The following TTC28 variants were observed in gnomAD, a reference collection of about 807,000 sequenced individuals.
TTC28 encodes tetratricopeptide repeat domain 28.
Under a neutral mutation model 198.0 loss-of-function variants are expected in TTC28, and 61 were observed. The ratio of observed to expected loss-of-function variants is 0.31; its 90% confidence interval spans 0.25 to 0.38. The LOEUF (loss-of-function observed/expected upper bound fraction) is 0.38. TTC28 is among the 10% of genes least tolerant of loss of function. The pLI is 1.00. For synonymous variants in TTC28, 1,171 were observed against 1,297.8 expected (o/e 0.90, Z 2.10); for missense variants, 2,678 against 3,164.0 (o/e 0.85, Z 3.69).
chr22:28,433,701 C>T (rs2146207677), intron 2 of TTC28, among the ~76,000 whole-genome samples: 1 of 152,260 alleles, frequency 6.6e-6, no homozygotes, highest in South Asian at 2.1e-4. Context: ...AAAGCAATTG[C>T]ATATGCTCTC....
chr22:28,277,511 A>G (rs1173161794), intron 5 of TTC28, among the ~76,000 whole-genome samples: 7 of 152,274 alleles, frequency 4.6e-5, no homozygotes, highest in Admixed American at 1.3e-4. Flanking sequence ...AATTAAACAA[A>G]CCTCAGTGAT....
chr22:27,990,903 C>G (rs1319904676), intron 19 of TTC28, 91 bp from the exon 20 acceptor site: 2 of 1,361,150 alleles, frequency 1.5e-6, no homozygotes, highest in East Asian at 5.0e-5. Context: ...ATGAGCTGAT[C>G]ACTGTTTAGG....
chr22:28,445,982 T>C (rs974121790), intron 2 of TTC28, among the ~76,000 whole-genome samples: 1 of 152,132 alleles, frequency 6.6e-6, no homozygotes, highest in Non-Finnish European at 1.5e-5. Flanking sequence ...CAGTGAACAG[T>C]GTCTGACACA....
intron 12 of TTC28, among the ~76,000 whole-genome samples, chr22:28,074,570 A>G (rs1429222680): frequency 1.3e-5 from 2 of 152,204 alleles, no homozygotes; most frequent in East Asian, 3.8e-4. Flanking sequence ...CATCTAACAG[A>G]TTGGCCCCTG....
At chr22:28,376,644 G>T (rs1203665873) in intron 2 of TTC28, among the ~76,000 whole-genome samples, 1 of 152,196 alleles carries the variant, frequency 6.6e-6, no homozygotes, top group Non-Finnish European at 1.5e-5. Context: ...GCACTGCCTA[G>T]AGAGTTTTCA....
chr22:28,498,914 G>A (rs889000359), intron 2 of TTC28, among the ~76,000 whole-genome samples: 4 of 152,138 alleles, frequency 2.6e-5, no homozygotes, highest in Admixed American at 6.5e-5. Flanking sequence ...AGTGGCTCAC[G>A]CCTGTAATCC....
At chr22:28,446,587 G>A (rs1370726202) in intron 2 of TTC28, among the ~76,000 whole-genome samples, 5 of 152,072 alleles carry the variant, frequency 3.3e-5, no homozygotes, top group Non-Finnish European at 7.4e-5. Context: ...TCTTGTTCCC[G>A]CTCTTGCCAT....
chr22:28,520,918 T>C (rs990196032), intron 2 of TTC28, among the ~76,000 whole-genome samples: 2 of 152,106 alleles, frequency 1.3e-5, no homozygotes, highest in Non-Finnish European at 2.9e-5. Context: ...CCAGGCGTAG[T>C]GGCACGTGCC....
At chr22:28,312,810 G>A (rs2045287217) in intron 2 of TTC28, among the ~76,000 whole-genome samples, 1 of 152,130 alleles carries the variant, frequency 6.6e-6, no homozygotes, top group African/African-American at 2.4e-5. Flanking sequence ...AACTAGAGAA[G>A]CAAGAGCAAA....
intron 2 of TTC28, among the ~76,000 whole-genome samples, chr22:28,389,808 A>G (rs562467436): frequency 2.7e-5 from 4 of 149,854 alleles, no homozygotes; most frequent in South Asian, 2.1e-4. Context: ...TGGATTCATT[A>G]ATTTTTTGAA....
At chr22:28,183,822 A>G (rs1601440524) in intron 5 of TTC28, among the ~76,000 whole-genome samples, 1 of 152,184 alleles carries the variant, frequency 6.6e-6, no homozygotes, top group East Asian at 1.9e-4. Flanking sequence ...ATAATAATTA[A>G]AAAAATTAAT....
At chr22:28,382,761 C>T (rs774769177) in intron 2 of TTC28, among the ~76,000 whole-genome samples, 2 of 152,042 alleles carry the variant, frequency 1.3e-5, no homozygotes, top group Non-Finnish European at 2.9e-5. Flanking sequence ...AAAAGTAGAA[C>T]CAGAGATAAA....
chr22:28,067,884 C>T (rs574286660), intron 12 of TTC28, among the ~76,000 whole-genome samples: 6 of 152,258 alleles, frequency 3.9e-5, no homozygotes, highest in Admixed American at 1.3e-4. Context: ...TGCTTCTTAG[C>T]CCATTTTGAT....
chr22:28,639,124 T>C (rs2051321179), intron 1 of TTC28, among the ~76,000 whole-genome samples: 1 of 152,230 alleles, frequency 6.6e-6, no homozygotes. Context: ...AGGATAGTCA[T>C]AATAGCATCA....
intron 6 of TTC28, among the ~76,000 whole-genome samples, chr22:28,124,524 T>C (rs1298900899): frequency 1.3e-5 from 2 of 152,234 alleles, no homozygotes; most frequent in African/African-American, 2.4e-5. Flanking sequence ...GCTGTAATTA[T>C]CCTATTATTT....
chr22:28,639,216 A>ATAAG (rs143791653), intron 1 of TTC28, among the ~76,000 whole-genome samples: 20,760 of 152,180 alleles, frequency 0.14, 1,644 homozygotes, highest in African/African-American at 0.2. Context: ...CAAGGCATAA[A>ATAAG]TTTTATTAGA....
intron 2 of TTC28, among the ~76,000 whole-genome samples, chr22:28,576,664 T>C (rs1169903982): frequency 6.6e-6 from 1 of 152,146 alleles, no homozygotes; most frequent in Non-Finnish European, 1.5e-5. Context: ...ATCTTGTTCC[T>C]TGTTATTGGT....
chr22:28,131,506 A>C (rs1383056012), intron 6 of TTC28, among the ~76,000 whole-genome samples: 2 of 152,214 alleles, frequency 1.3e-5, no homozygotes, highest in Non-Finnish European at 2.9e-5. Context: ...GCTGTGGCTC[A>C]CTGTTGCTGC....
chr22:28,098,080 G>A (rs940872751), intron 10 of TTC28, among the ~76,000 whole-genome samples: 20 of 152,168 alleles, frequency 1.3e-4, no homozygotes, highest in African/African-American at 3.6e-4. Context: ...GGCAGATGAC[G>A]GAGAGCTGGA....
Sources: gnomAD v4.1 joint callset for allele counts (sites outside exome capture counted in the v4.1 genomes callset) on GRCh38, gnomAD v4.1.1 for gene constraint, MANE v1.5 for transcripts, NCBI Gene and HGNC (gene_info 2026-07-23, HGNC 2026-07-21) for gene names.